The following DIS3L2 variants were observed in gnomAD, a reference collection of about 807,000 sequenced individuals.
The protein encoded by DIS3L2 is DIS3-like exonuclease 2.
In DIS3L2, 34 loss-of-function variants were observed where a neutral mutation model predicts 97.5. The observed-to-expected ratio is 0.35, with a 90% CI of 0.27 to 0.46. The LOEUF is 0.46. Among genes scored for constraint, DIS3L2 ranks in the 20% least tolerant of loss-of-function variants. The pLI is 1.00. For synonymous variants in DIS3L2, 435 were observed against 445.2 expected, an observed-to-expected ratio of 0.98 and a Z score of 0.29; for missense variants, 1,038 against 1,146.0, an observed-to-expected ratio of 0.91 and a Z score of 1.36.
chr2:232,244,626 A>G (rs1225555335), intron 11 of DIS3L2, among the ~76,000 whole-genome samples: 1 of 152,220 alleles, frequency 6.6e-6, no homozygotes, highest in Non-Finnish European at 1.5e-5. Context: ...GCACACATGT[A>G]AAGTGAGTGG....
At chr2:231,996,639 C>G (rs567944299) in intron 1 of DIS3L2, among the ~76,000 whole-genome samples, 1 of 152,244 alleles carries the variant, frequency 6.6e-6, no homozygotes, top group East Asian at 1.9e-4. Context: ...GTTTATCTTT[C>G]TTTTGCTGAA....
chr2:232,206,928 A>C (rs1450953168), intron 9 of DIS3L2, among the ~76,000 whole-genome samples: 2 of 152,236 alleles, frequency 1.3e-5, no homozygotes, highest in African/African-American at 4.8e-5. Context: ...GAAATGTCTA[A>C]ATGGGAATTA....
intron 9 of DIS3L2, among the ~76,000 whole-genome samples, chr2:232,168,489 C>CT (rs1158474083): frequency 1.0e-5 from 1 of 98,070 alleles, no homozygotes; most frequent in Non-Finnish European, 2.0e-5. Flanking sequence ...TTGCAGTAAT[C>CT]TTTTTTTAGC....
intron 17 of DIS3L2, 73 bp from the exon 18 acceptor site, chr2:232,334,296 C>A: frequency 6.6e-7 from 1 of 1,524,494 alleles, no homozygotes; most frequent in Non-Finnish European, 8.9e-7. Context: ...CAGCGCCATG[C>A]AGCCCATCCC....
At chr2:232,300,300 G>A (rs755236053) in intron 14 of DIS3L2, among the ~76,000 whole-genome samples, 181 bp downstream of exon 14, 2 of 152,172 alleles carry the variant, frequency 1.3e-5, no homozygotes, top group Non-Finnish European at 2.9e-5. Context: ...TTGCCCCTAA[G>A]TATAGAACTT....
chr2:231,984,073 T>C (rs1693340569), intron 1 of DIS3L2, among the ~76,000 whole-genome samples: 1 of 152,040 alleles, frequency 6.6e-6, no homozygotes, highest in African/African-American at 2.4e-5. Flanking sequence ...AGTGATTTCA[T>C]TTATAATTGA....
At chr2:232,258,679 C>A (rs1278194147) in intron 12 of DIS3L2, among the ~76,000 whole-genome samples, 1 of 151,268 alleles carries the variant, frequency 6.6e-6, no homozygotes, top group Non-Finnish European at 1.5e-5. Flanking sequence ...GCTCTCCCTG[C>A]TGTTTCTACT....
chr2:232,199,811 C>T (rs1691844144), intron 9 of DIS3L2, among the ~76,000 whole-genome samples: 1 of 152,090 alleles, frequency 6.6e-6, no homozygotes. Flanking sequence ...GGGAATGAGA[C>T]TTCTTTTGAG....
chr2:232,211,456 C>T (rs1692189102), intron 10 of DIS3L2, among the ~76,000 whole-genome samples: 1 of 152,188 alleles, frequency 6.6e-6, no homozygotes, highest in Non-Finnish European at 1.5e-5. Context: ...CCCCCAATCC[C>T]TTTTCTAATG....
chr2:232,209,912 C>A (rs191956828), intron 9 of DIS3L2, among the ~76,000 whole-genome samples: 2 of 152,210 alleles, frequency 1.3e-5, no homozygotes, highest in Admixed American at 1.3e-4. Context: ...AGTTTTTTTG[C>A]GAAGCTTATT....
intron 9 of DIS3L2, among the ~76,000 whole-genome samples, chr2:232,194,747 G>C (rs1176449797): frequency 6.6e-6 from 1 of 152,164 alleles, no homozygotes; most frequent in African/African-American, 2.4e-5. Flanking sequence ...TCCAGGGCTT[G>C]GTAAGGACTG....
At position 232,334,627 on chromosome 2, in the gene DIS3L2, G is replaced by A. The variant is rs1466719461; in HGVS notation, c.2290-4G>A. ...GTGCCATGGCTGCAGCACTGTCCCT[G>A]CAGGAGAGTGGCCCCCTGGAGTCAG... On this transcript the variant is annotated splice_polypyrimidine_tract_variant and splice_region_variant and intron_variant, in intron 18 of 20. Coordinates refer to ENST00000325385, the MANE Select transcript of DIS3L2 (RefSeq NM_152383.5). 1.9e-6 allele frequency: 3 copies of A among 1,605,852 alleles called. No homozygotes were observed. Among genetic ancestry groups the A allele is most frequent in the Non-Finnish European group, 8.5e-7 (1 of 1,176,532 alleles).
At chr2:232,153,560 C>G (rs1324516385) in intron 8 of DIS3L2, among the ~76,000 whole-genome samples, 1 of 61,472 alleles carries the variant, frequency 1.6e-5, no homozygotes, top group Admixed American at 1.8e-4. Flanking sequence ...GGGTTTCTGC[C>G]GAGAGATCCG....
At chr2:232,121,863 A>T (rs932558515) in intron 6 of DIS3L2, among the ~76,000 whole-genome samples, 1 of 152,124 alleles carries the variant, frequency 6.6e-6, no homozygotes, top group South Asian at 2.1e-4. Flanking sequence ...CCCCACTAGC[A>T]TCTAAATATT....
At chr2:232,049,705 A>G (rs114423043) in intron 5 of DIS3L2, among the ~76,000 whole-genome samples, 1 of 152,194 alleles carries the variant, frequency 6.6e-6, no homozygotes, top group Non-Finnish European at 1.5e-5. Context: ...TATTTCTTTA[A>G]CTTTTACTTT....
intron 9 of DIS3L2, among the ~76,000 whole-genome samples, chr2:232,176,063 A>G (rs1012578041): frequency 2.0e-5 from 3 of 151,774 alleles, no homozygotes; most frequent in African/African-American, 7.3e-5. Context: ...CTAGTTTTTT[A>G]TATTCTTCAT....
intron 14 of DIS3L2, among the ~76,000 whole-genome samples, chr2:232,303,950 T>C (rs1694925669): frequency 6.6e-6 from 1 of 152,198 alleles, no homozygotes; most frequent in African/African-American, 2.4e-5. Flanking sequence ...TCTCTAAGGC[T>C]AGAGGCACAG....
In DIS3L2 at chr2:232,336,580, A is replaced by AAGG. The variant is rs745307654; in HGVS notation, c.2620_2622dup (p.Glu874dup). On this transcript the variant is annotated inframe_insertion, in exon 21 of 21. Coordinates refer to ENST00000325385, the MANE Select transcript of DIS3L2 (RefSeq NM_152383.5). ...CACCCAGGGCCACCTGGGCCCTGAG[A>AAGG]AGGAGGAGGAGGAGTCTGACGGTGA... The AAGG allele has an allele frequency of 1.2e-5, 19 of 1,608,886 alleles. No individual in the cohort carries two copies. The Admixed American group carries it at 3.0e-4, about 25-fold the overall frequency.
chr2:231,998,515 GAGACATATAA>G (rs1169956443), intron 1 of DIS3L2, among the ~76,000 whole-genome samples: 1 of 152,144 alleles, frequency 6.6e-6, no homozygotes, highest in Admixed American at 6.6e-5. Context: ...TTCATATCAG[GAGACATATAA>G]TGTTGATTTG....
Sources: gnomAD v4.1 joint callset for allele counts (sites outside exome capture counted in the v4.1 genomes callset) on GRCh38, gnomAD v4.1.1 for gene constraint, MANE v1.5 for transcripts, NCBI Gene and HGNC (gene_info 2026-07-23, HGNC 2026-07-21) for gene names.